Variants in CTDSPL observed in about 807,000 individuals in gnomAD.
CTDSPL encodes CTD small phosphatase like, also known as CTD small phosphatase-like protein.
Under a neutral mutation model 30.5 loss-of-function variants are expected in CTDSPL, and 8 were observed. The observed-to-expected ratio is 0.26, with a 90% CI of 0.15 to 0.47. The LOEUF is 0.47. Among genes scored for constraint, CTDSPL ranks in the 20% least tolerant of loss-of-function variants. The pLI, the probability that CTDSPL is intolerant of heterozygous loss-of-function variation, is 0.99. For synonymous variants in CTDSPL, 110 were observed against 137.9 expected, an observed-to-expected ratio of 0.80 and a Z score of 1.42; for missense variants, 248 against 366.1, an observed-to-expected ratio of 0.68 and a Z score of 2.63.
chr3:37,904,087 C>T (rs1389618432), intron 1 of CTDSPL, among the ~76,000 whole-genome samples: 2 of 152,224 alleles, frequency 1.3e-5, no homozygotes, highest in Middle Eastern at 3.2e-3. Flanking sequence ...GATAGTAAAT[C>T]GTAACATGAA....
chr3:37,899,959 G>A (rs868642493), intron 1 of CTDSPL, among the ~76,000 whole-genome samples: 17 of 152,154 alleles, frequency 1.1e-4, no homozygotes, highest in Non-Finnish European at 1.2e-4. Context: ...TAAAAGCTTG[G>A]ATCAGTGGGG....
At chr3:37,956,414 TTTA>T (rs1699174006) in intron 2 of CTDSPL, among the ~76,000 whole-genome samples, 1 of 152,250 alleles carries the variant, frequency 6.6e-6, no homozygotes, top group Non-Finnish European at 1.5e-5. Context: ...AATAAACTTT[TTTA>T]TTAGCATTTC....
chr3:37,894,828 A>T (rs1261098311), intron 1 of CTDSPL, among the ~76,000 whole-genome samples: 1 of 152,006 alleles, frequency 6.6e-6, no homozygotes, highest in Non-Finnish European at 1.5e-5. Flanking sequence ...TTCTGTTATC[A>T]CTATTCTGTT....
chr3:37,869,729 A>G lies in CTDSPL; in HGVS notation c.79+7451A>G, dbSNP rs1698052228. On this transcript the variant is annotated intron_variant, in intron 1 of 7. Coordinates refer to ENST00000273179, the MANE Select transcript of CTDSPL (RefSeq NM_001008392.2). ...CCATTCAGTATTTTATCATTAGTAT[A>G]ATGTCAGCTGTAGGTTTTTTAATAG... Among the ~76,000 whole-genome samples, 5 of 152,242 alleles carry G rather than the reference A, an allele frequency of 3.3e-5. No homozygotes were observed. In the South Asian group the frequency reaches 1.0e-3, roughly 32 times the overall value.
intron 3 of CTDSPL, among the ~76,000 whole-genome samples, chr3:37,958,521 G>GT (rs1053553810): frequency 6.6e-6 from 1 of 152,114 alleles, no homozygotes; most frequent in Admixed American, 6.5e-5. Context: ...CACTATTACT[G>GT]TTTTTTCTTA....
rs1216707436 is a variant in CTDSPL, at chr3:37,960,533, TATACACACACACAC to T, written c.267+3392_267+3405del. On this transcript the variant is annotated intron_variant, in intron 3 of 7. Coordinates refer to ENST00000273179, the MANE Select transcript of CTDSPL (RefSeq NM_001008392.2). The stretch of plus-strand genomic sequence containing the variant: ...ATATATATATATATATATATATATA[TATACACACACACAC>T]ACACACACACACACACACACACACA... Among the ~76,000 whole-genome samples, 11 of 33,556 alleles carry T rather than the reference TATACACACACACAC, an allele frequency of 3.3e-4. No individual in the cohort carries two copies. In the South Asian group the frequency reaches 8.8e-3, roughly 27 times the overall value. 22.0% of individuals were successfully genotyped at this position (33,556 alleles called of 152,430 possible).
In CTDSPL at chr3:37,957,135, A is replaced by T. The variant is rs1699183912; in HGVS notation, c.259A>T (p.Ile87Leu). Residue 87 changes from isoleucine (I) to leucine (L), a missense_variant, in exon 3 of 8, where the codon ATA becomes TTA. This residue lies in a region of CTDSPL where 118 missense variants were observed against 124.7 expected (regional missense o/e 0.95). Transcript: ENST00000273179. The stretch of plus-strand genomic sequence containing the variant: ...GGGTGACCAGAGGCAGGTCATTCCC[A>T]TACCAAGTGTATGTATATTTATCTA... ...QKGDQRQVIP[I>L]PSPPAKYLLP... 2 of 1,596,812 alleles carry T rather than the reference A, an allele frequency of 1.3e-6. No homozygotes were observed. Among genetic ancestry groups the T allele is most frequent in the East Asian group, 2.2e-5 (1 of 44,636 alleles).
At chr3:37,932,355 C>T (rs1455629784) in intron 1 of CTDSPL, among the ~76,000 whole-genome samples, 1 of 152,184 alleles carries the variant, frequency 6.6e-6, no homozygotes, top group Non-Finnish European at 1.5e-5. Context: ...AAGCTTAAAA[C>T]TTCTGCAGAT....
intron 2 of CTDSPL, chr3:37,955,076 A>T (rs921326331): frequency 1.3e-5 from 2 of 152,368 alleles, no homozygotes; most frequent in South Asian, 4.1e-4. Context: ...ACCTGTGTGC[A>T]GGGGCTGTCT....
At chr3:37,971,024 C>T (rs554531181) in intron 5 of CTDSPL, among the ~76,000 whole-genome samples, 21 of 152,326 alleles carry the variant, frequency 1.4e-4, no homozygotes, top group African/African-American at 3.8e-4. Flanking sequence ...ACACCCAGAC[C>T]GTGGCCCGTG....
chr3:37,911,737 G>T (rs1238093231), intron 1 of CTDSPL: 2 of 456,362 alleles, frequency 4.4e-6, no homozygotes, highest in East Asian at 6.9e-5. Flanking sequence ...CTACACACCT[G>T]GGTGGCAGGT....
intron 3 of CTDSPL, among the ~76,000 whole-genome samples, chr3:37,961,237 C>T (rs550921463): frequency 2.6e-5 from 4 of 152,272 alleles, no homozygotes; most frequent in Non-Finnish European, 5.9e-5. Context: ...CCATTAGTAT[C>T]GTTCATCTCC....
intron 1 of CTDSPL, among the ~76,000 whole-genome samples, chr3:37,871,817 C>G (rs1698074282): frequency 6.6e-6 from 1 of 152,138 alleles, no homozygotes; most frequent in African/African-American, 2.4e-5. Flanking sequence ...AGTCTTTTCT[C>G]CCCTATGTTG....
chr3:37,868,854 T>C (rs1698041824), intron 1 of CTDSPL, among the ~76,000 whole-genome samples: 1 of 152,118 alleles, frequency 6.6e-6, no homozygotes, highest in Non-Finnish European at 1.5e-5. Context: ...CTTCCAACTT[T>C]TGTTCTTTTT....
chr3:37,937,516 G>A (rs953622519), intron 1 of CTDSPL, among the ~76,000 whole-genome samples: 4 of 150,566 alleles, frequency 2.7e-5, no homozygotes, highest in Admixed American at 2.0e-4. Flanking sequence ...GAAGCAGCGC[G>A]AGACCCTCGC....
intron 1 of CTDSPL, among the ~76,000 whole-genome samples, chr3:37,867,070 G>C (rs2125586695): frequency 6.6e-6 from 1 of 152,192 alleles, no homozygotes; most frequent in South Asian, 2.1e-4. Flanking sequence ...ATCATCAGGA[G>C]GATCCCTCCT....
intron 1 of CTDSPL, among the ~76,000 whole-genome samples, chr3:37,924,311 A>G (rs1165889751): frequency 6.9e-6 from 1 of 145,004 alleles, no homozygotes; most frequent in African/African-American, 2.7e-5. Flanking sequence ...CAATTGGAAG[A>G]CTTTTTTTTT....
intron 2 of CTDSPL, among the ~76,000 whole-genome samples, chr3:37,954,226 G>C (rs571970984): frequency 1.4e-4 from 22 of 152,356 alleles, no homozygotes; most frequent in Non-Finnish European, 2.6e-4. Flanking sequence ...CTCCAGCAGA[G>C]CTGAGCTCAC....
chr3:37,899,313 C>A (rs1386956379), intron 1 of CTDSPL, among the ~76,000 whole-genome samples: 1 of 152,160 alleles, frequency 6.6e-6, no homozygotes, highest in African/African-American at 2.4e-5. Flanking sequence ...ACTTTTCATG[C>A]CTTCAGTAAC....
Sources: gnomAD v4.1 joint callset for allele counts (sites outside exome capture counted in the v4.1 genomes callset) on GRCh38, gnomAD v4.1.1 for gene constraint, gnomAD v4.1.1 regional missense constraint, MANE v1.5 for transcripts, NCBI Gene and HGNC (gene_info 2026-07-23, HGNC 2026-07-21) for gene names.